Variants in ANO2 observed in about 807,000 individuals in gnomAD.
ANO2 encodes the protein anoctamin 2.
In ANO2, 101 loss-of-function variants were observed where a neutral mutation model predicts 124.2. The observed-to-expected ratio is 0.81, with a 90% CI of 0.69 to 0.96. The LOEUF (loss-of-function observed/expected upper bound fraction) is 0.96. Among genes scored for constraint, ANO2 ranks in the 40% least tolerant of loss-of-function variants. The probability of loss-of-function intolerance (pLI) is 0.00; values close to 1 mark genes in which losing one functional copy is unlikely to be tolerated. For synonymous variants in ANO2, 486 were observed against 482.5 expected (o/e 1.01, Z -0.09); for missense variants, 1,293 against 1,274.5 (o/e 1.01, Z -0.22).
chr12:5,581,238 T>G (rs1942739957), intron 20 of ANO2, among the ~76,000 whole-genome samples: 1 of 152,180 alleles, frequency 6.6e-6, no homozygotes, highest in African/African-American at 2.4e-5. Flanking sequence ...TCTTCTTGAT[T>G]CTAATGAGCT....
intron 10 of ANO2, among the ~76,000 whole-genome samples, chr12:5,784,159 C>A (rs1030768662): frequency 6.9e-6 from 1 of 145,462 alleles, no homozygotes; most frequent in African/African-American, 2.4e-5. Flanking sequence ...GCTATTCCCC[C>A]CTATCTGGAA....
At chr12:5,604,893 C>T (rs1432406065) in intron 19 of ANO2, among the ~76,000 whole-genome samples, 1 of 147,298 alleles carries the variant, frequency 6.8e-6, no homozygotes. Context: ...TTTGATGTTA[C>T]CCCCCTTGCT....
intron 10 of ANO2, among the ~76,000 whole-genome samples, chr12:5,794,902 GTT>G (rs1222073260): frequency 6.6e-6 from 1 of 152,226 alleles, no homozygotes; most frequent in Non-Finnish European, 1.5e-5. Flanking sequence ...ATTGATCAAC[GTT>G]TTTCTCTCTC....
chr12:5,683,598 T>C (rs1948589046), intron 14 of ANO2, among the ~76,000 whole-genome samples: 1 of 152,144 alleles, frequency 6.6e-6, no homozygotes, highest in South Asian at 2.1e-4. Context: ...TCATGCCACA[T>C]CACATGTCCA....
At chr12:5,796,868 C>T (rs1434771943) in intron 10 of ANO2, among the ~76,000 whole-genome samples, 1 of 152,232 alleles carries the variant, frequency 6.6e-6, no homozygotes, top group East Asian at 1.9e-4. Context: ...AACAGGTCTC[C>T]TGCCCCATGA....
intron 14 of ANO2, among the ~76,000 whole-genome samples, chr12:5,674,227 A>T (rs556882005): frequency 6.6e-6 from 1 of 152,228 alleles, no homozygotes; most frequent in Non-Finnish European, 1.5e-5. Context: ...TTAAGTTTGC[A>T]GTAGCTAATG....
At chr12:5,607,144 T>A (rs1351704352) in intron 19 of ANO2, among the ~76,000 whole-genome samples, 1 of 150,802 alleles carries the variant, frequency 6.6e-6, no homozygotes, top group East Asian at 1.9e-4. Flanking sequence ...GCTCTGAAGG[T>A]ACATAAGAGC....
chr12:5,935,025 A>C (rs1429392630), intron 1 of ANO2, among the ~76,000 whole-genome samples: 6 of 152,226 alleles, frequency 3.9e-5, no homozygotes, highest in African/African-American at 1.2e-4. Flanking sequence ...AGGATGCAGC[A>C]GACATGAGGG....
chr12:5,818,388 C>G (rs1465146575), intron 7 of ANO2, among the ~76,000 whole-genome samples: 2 of 147,406 alleles, frequency 1.4e-5, no homozygotes, highest in Non-Finnish European at 3.0e-5. Context: ...ACTGGGTTTC[C>G]TTGCTCCTCA....
intron 11 of ANO2, among the ~76,000 whole-genome samples, chr12:5,747,609 T>G (rs2137087384): frequency 6.6e-6 from 1 of 152,358 alleles, no homozygotes; most frequent in Middle Eastern, 3.4e-3. Context: ...CGTTTTTGAC[T>G]GTGACCTACA....
At chr12:5,824,768 T>A (rs1953904908) in intron 7 of ANO2, among the ~76,000 whole-genome samples, 1 of 152,136 alleles carries the variant, frequency 6.6e-6, no homozygotes, top group South Asian at 2.1e-4. Context: ...GATAGAGACA[T>A]ACCCGAGACT....
chr12:5,922,533 A>C (rs1214006337), intron 2 of ANO2, 87 bp downstream of exon 2: 1 of 1,392,850 alleles, frequency 7.2e-7, no homozygotes, highest in African/African-American at 1.5e-5. Flanking sequence ...TGTGCTCCCA[A>C]CTGGAGGATC....
In ANO2 at chr12:5,660,806, G is replaced by A. The variant is rs543252229; in HGVS notation, c.1546-13005C>T. ...GGAAACAATAGCCGGGCTCATTTTG[G>A]TGGTGCTCCATGCTCATAATATTGG... is the stretch of plus-strand genomic sequence containing the variant. On this transcript the variant is annotated intron_variant, in intron 14 of 24. Coordinates refer to ENST00000682330, the MANE Select transcript of ANO2 (RefSeq NM_001364791.2). Among the ~76,000 whole-genome samples, 85 of 152,246 alleles carry A rather than the reference G, an allele frequency of 5.6e-4. 1 individual carries two copies. Among genetic ancestry groups the A allele is most frequent in the Admixed American group, 3.3e-4 (5 of 15,290 alleles).
At chr12:5,689,047 T>C (rs775983205) in intron 14 of ANO2, among the ~76,000 whole-genome samples, 1 of 152,032 alleles carries the variant, frequency 6.6e-6, no homozygotes, top group Non-Finnish European at 1.5e-5. Context: ...TAATTATTAA[T>C]TAAGAAGGTA....
At chr12:5,829,432 T>C (rs1258040245) in intron 6 of ANO2, among the ~76,000 whole-genome samples, 1 of 152,226 alleles carries the variant, frequency 6.6e-6, no homozygotes, top group Non-Finnish European at 1.5e-5. Flanking sequence ...TCCTTGCCCA[T>C]CCTGCAAGTA....
At chr12:5,588,985 G>A (rs1335916694) in intron 20 of ANO2, among the ~76,000 whole-genome samples, 2 of 152,202 alleles carry the variant, frequency 1.3e-5, no homozygotes, top group South Asian at 2.1e-4. Flanking sequence ...AAGGAGAGAC[G>A]CTCACTCTGC....
chr12:5,832,934 C>G (rs1157097398), intron 4 of ANO2, among the ~76,000 whole-genome samples: 1 of 152,210 alleles, frequency 6.6e-6, no homozygotes, highest in Non-Finnish European at 1.5e-5. Flanking sequence ...CACAAATTAA[C>G]TCCAATGCTT....
At position 5,922,660 on chromosome 12, in the gene ANO2, G is replaced by A; in HGVS notation, c.167C>T (p.Pro56Leu). The A allele has an allele frequency of 6.6e-7, 1 of 1,505,984 alleles. No homozygotes were observed. Among genetic ancestry groups the A allele is most frequent in the Non-Finnish European group, 8.9e-7 (1 of 1,122,088 alleles). 93.3% of individuals were successfully genotyped at this position (1,505,984 alleles called of 1,614,324 possible). ...GCTCTCTCCACCGCAGGGCTGGCCA[G>A]GATCTCTGTTGGAACCGCCCTGCAG... is the stretch of plus-strand genomic sequence containing the variant. ...PGLQGGSNRD[P>L]GQPCGGESTR... is the part of the protein sequence containing the mutation. Residue 56 changes from proline to leucine, a missense_variant, in exon 2 of 25, where the codon CCT (proline) becomes CTT (leucine). Physicochemically the swap from Pro to Leu is moderately conservative, Grantham distance 98. Transcript: ENST00000682330.
chr12:5,732,644 C>G lies in ANO2; in HGVS notation c.1435-14G>C. On this transcript the variant is annotated splice_polypyrimidine_tract_variant and intron_variant, in intron 13 of 24. Coordinates refer to ENST00000682330, the MANE Select transcript of ANO2 (RefSeq NM_001364791.2). ...CCTGGAATGTTCCTAAACCAAAGAG[C>G]AGTGAGTGGTTAGTAAACAAAAGGA... 3.1e-6 allele frequency: 5 copies of G among 1,607,154 alleles called. No individual in the cohort carries two copies. Among genetic ancestry groups the G allele is most frequent in the Non-Finnish European group, 4.3e-6 (5 of 1,174,770 alleles).
Sources: gnomAD v4.1 joint callset for allele counts (sites outside exome capture counted in the v4.1 genomes callset) on GRCh38, gnomAD v4.1.1 for gene constraint, MANE v1.5 for transcripts, NCBI Gene and HGNC (gene_info 2026-07-23, HGNC 2026-07-21) for gene names.